The following PCDH15 variants were observed in gnomAD, a reference collection of about 807,000 sequenced individuals.
PCDH15 encodes the protein protocadherin related 15.
A neutral mutation model predicts 178.5 loss-of-function variants in PCDH15; 129 were observed. The ratio of observed to expected loss-of-function variants is 0.72; its 90% CI spans 0.63 to 0.84. The LOEUF (loss-of-function observed/expected upper bound fraction) is 0.84, where lower values mean the gene tolerates loss of function less well. Ranked by LOEUF, PCDH15 falls within the 40% of genes least tolerant of loss-of-function variation. PCDH15 has a pLI of 0.00. For synonymous variants in PCDH15, 800 were observed against 732.0 expected, an observed-to-expected ratio of 1.09 and a Z score of -1.50; for missense variants, 2,230 against 2,099.9, an observed-to-expected ratio of 1.06 and a Z score of -1.21.
chr10:54,106,595 G>A (rs1590478457), intron 15 of PCDH15, among the ~76,000 whole-genome samples: 1 of 152,178 alleles, frequency 6.6e-6, no homozygotes, highest in Non-Finnish European at 1.5e-5. Context: ...TCCTGTTACT[G>A]AAGCCACAAA....
chr10:54,045,321 G>C (rs1228861204), intron 18 of PCDH15, among the ~76,000 whole-genome samples: 1 of 152,114 alleles, frequency 6.6e-6, no homozygotes, highest in East Asian at 1.9e-4. Flanking sequence ...TGTTTTCACT[G>C]AGATGACATA....
At chr10:54,302,888 T>G (rs1351872339) in intron 8 of PCDH15, among the ~76,000 whole-genome samples, 1 of 152,166 alleles carries the variant, frequency 6.6e-6, no homozygotes, top group Non-Finnish European at 1.5e-5. Flanking sequence ...ATGTGACTAT[T>G]AGGCTTTACA....
chr10:53,988,362 G>T (rs2091248615), intron 21 of PCDH15, among the ~76,000 whole-genome samples: 1 of 152,144 alleles, frequency 6.6e-6, no homozygotes, highest in Non-Finnish European at 1.5e-5. Flanking sequence ...GGATGGGGGA[G>T]GGTGTGGGTG....
chr10:55,438,396 G>C (rs2132065652), intron 2 of PCDH15, among the ~76,000 whole-genome samples: 1 of 152,212 alleles, frequency 6.6e-6, no homozygotes, highest in South Asian at 2.1e-4. Context: ...ATAAGTTAAA[G>C]TAGAAACAAC....
intron 3 of PCDH15, among the ~76,000 whole-genome samples, chr10:54,387,984 G>C (rs367706148): frequency 6.6e-6 from 1 of 152,206 alleles, no homozygotes. Context: ...GGAGTAATGG[G>C]GAGTTATTGA....
chr10:55,146,754 G>A (rs1158612158), intron 2 of PCDH15, among the ~76,000 whole-genome samples: 1 of 151,780 alleles, frequency 6.6e-6, no homozygotes, highest in Non-Finnish European at 1.5e-5. Flanking sequence ...AATTTACATT[G>A]TGTTTATGAG....
At chr10:53,871,157 C>A (rs939876576) in intron 26 of PCDH15, among the ~76,000 whole-genome samples, 52 of 144,368 alleles carry the variant, frequency 3.6e-4, no homozygotes, top group Non-Finnish European at 6.2e-4. Context: ...CGCAGTGAAA[C>A]CCCGTCTCTA....
At chr10:54,043,961 T>C (rs1223166860) in intron 18 of PCDH15, among the ~76,000 whole-genome samples, 1 of 152,134 alleles carries the variant, frequency 6.6e-6, no homozygotes, top group Non-Finnish European at 1.5e-5. Context: ...TGTACCTATG[T>C]CCCTGCATTG....
intron 15 of PCDH15, among the ~76,000 whole-genome samples, chr10:54,091,611 T>C (rs1332117203): frequency 6.6e-6 from 1 of 152,204 alleles, no homozygotes; most frequent in East Asian, 1.9e-4. Flanking sequence ...AATATTTCAG[T>C]CAGTAATAAA....
chr10:55,106,003 T>C (rs1009335860), intron 2 of PCDH15, among the ~76,000 whole-genome samples: 1 of 152,126 alleles, frequency 6.6e-6, no homozygotes, highest in Non-Finnish European at 1.5e-5. Flanking sequence ...TCCTGGAAGC[T>C]AGGATATTAT....
chr10:54,342,524 G>C (rs1265917158), intron 6 of PCDH15, among the ~76,000 whole-genome samples: 2 of 152,156 alleles, frequency 1.3e-5, no homozygotes, highest in African/African-American at 4.8e-5. Context: ...CAGGGGTGGA[G>C]CCCTCATGGA....
At chr10:54,811,813 T>C (rs1952868762) in intron 3 of PCDH15, among the ~76,000 whole-genome samples, 2 of 152,198 alleles carry the variant, frequency 1.3e-5, no homozygotes, top group Non-Finnish European at 2.9e-5. Flanking sequence ...TTTGTGCTCT[T>C]AGAATCATCT....
chr10:53,823,299 C>CTGTCT, intron 32 of PCDH15: 1 of 1,613,988 alleles, frequency 6.2e-7, no homozygotes, highest in Non-Finnish European at 8.5e-7. Flanking sequence ...TTGATGTTTC[C>CTGTCT]TGTCTTCTGA....
At chr10:54,049,539 T>C (rs2135598106) in intron 18 of PCDH15, among the ~76,000 whole-genome samples, 1 of 152,328 alleles carries the variant, frequency 6.6e-6, no homozygotes, top group Non-Finnish European at 1.5e-5. Context: ...TGAAGTATTT[T>C]CTTTCAATGC....
intron 2 of PCDH15, among the ~76,000 whole-genome samples, chr10:55,412,018 C>T (rs894794540): frequency 6.6e-6 from 1 of 151,972 alleles, no homozygotes; most frequent in East Asian, 1.9e-4. Context: ...TTACAATCTG[C>T]GATGTTTGAG....
intron 2 of PCDH15, among the ~76,000 whole-genome samples, chr10:54,919,524 C>G (rs1013471263): frequency 3.3e-5 from 5 of 152,180 alleles, no homozygotes; most frequent in African/African-American, 1.2e-4. Context: ...TAATATCTCT[C>G]TATGCATCCC....
Position 55,022,383 on chromosome 10 carries a change from C to T in PCDH15, c.-79-124883G>A, listed in dbSNP as rs115948436. Among the ~76,000 whole-genome samples, 1,291 of 142,818 alleles carry T rather than the reference C, an allele frequency of 9.0e-3. 19 individuals are homozygous for T. Among genetic ancestry groups the T allele is most frequent in the African/African-American group, 0.031 (1,224 of 39,346 alleles). The allele number at this position is 142,818 out of a possible 152,430, so 93.7% of individuals were successfully genotyped here. On this transcript the variant is annotated intron_variant, in intron 2 of 5. Coordinates refer to the PCDH15 transcript ENST00000458638. ...AGAAGAATCACTTGAATCCGGGAGCCGGAGGTTACTGTGAGCCAAGATCAT... is the reference window on the plus strand; with the variant it reads ...AGAAGAATCACTTGAATCCGGGAGCTGGAGGTTACTGTGAGCCAAGATCAT...
intron 1 of PCDH15, among the ~76,000 whole-genome samples, chr10:55,275,964 T>C (rs1185961528): frequency 1.3e-5 from 2 of 151,352 alleles, no homozygotes; most frequent in African/African-American, 4.8e-5. Flanking sequence ...GTAATTTATT[T>C]TCATAAAATA....
intron 3 of PCDH15, among the ~76,000 whole-genome samples, chr10:54,391,891 G>T (rs1027727872): frequency 6.6e-6 from 1 of 152,166 alleles, no homozygotes; most frequent in African/African-American, 2.4e-5. Flanking sequence ...CTTGTCAAGA[G>T]AATCTCAATC....
Sources: allele counts gnomAD v4.1 joint callset (sites outside exome capture counted in the v4.1 genomes callset), GRCh38; gene constraint gnomAD v4.1.1; transcripts MANE v1.5; gene names NCBI Gene and HGNC (gene_info 2026-07-23, HGNC 2026-07-21).